The following TRNT1 variants were observed in gnomAD, a reference collection of about 807,000 sequenced individuals.
TRNT1 encodes CCA tRNA nucleotidyltransferase 1, mitochondrial.
Under a neutral mutation model 45.6 loss-of-function variants are expected in TRNT1, and 44 were observed. The observed-to-expected ratio is 0.97, with a 90% CI of 0.76 to 1.24. The LOEUF is 1.24. TRNT1 is among the 50% of genes most tolerant of loss of function. The pLI is 0.00. For missense variants in TRNT1, 633 were observed against 504.4 expected (o/e 1.25, Z -2.44); for synonymous variants, 201 against 171.4 (o/e 1.17, Z -1.35).
intron 4 of TRNT1, among the ~76,000 whole-genome samples, chr3:3,142,258 T>C (rs334758): frequency 0.92 from 139,914 of 152,268 alleles, 65,371 homozygotes; most frequent in East Asian, 1. Context: ...AAAATAAAAG[T>C]TGTTCCTATT....
intron 3 of TRNT1, among the ~76,000 whole-genome samples, chr3:3,138,112 T>A (rs73019279): frequency 2.6e-5 from 4 of 152,322 alleles, no homozygotes; most frequent in Non-Finnish European, 5.9e-5. Context: ...ATATGGACTT[T>A]TAGGAATTTC....
intron 5 of TRNT1, 87 bp downstream of exon 5, chr3:3,144,797 T>C: frequency 7.7e-7 from 1 of 1,304,620 alleles, no homozygotes; most frequent in Non-Finnish European, 1.0e-6. Context: ...AGCAGGTCAG[T>C]GTACAAAATG....
chr3:3,139,969 T>C (rs1237787329), intron 3 of TRNT1, among the ~76,000 whole-genome samples: 6 of 152,190 alleles, frequency 3.9e-5, no homozygotes. Context: ...GCTCAAGTCA[T>C]CTGCCTGCCT....
intron 2 of TRNT1, chr3:3,131,633 T>C (rs985571077): frequency 7.5e-6 from 1 of 133,512 alleles, no homozygotes; most frequent in Non-Finnish European, 1.6e-5. Flanking sequence ...GAGGACTTCA[T>C]GTCCAAAACA....
At chr3:3,144,775 T>TA (rs1705880670) in intron 5 of TRNT1, 65 bp downstream of exon 5, 13 of 1,399,452 alleles carry the variant, frequency 9.3e-6, no homozygotes, top group Non-Finnish European at 1.2e-5. Context: ...ACAGTGGTCA[T>TA]ACGAAACCCA....
chr3:3,138,570 ACT>A (rs1705461858), intron 3 of TRNT1, among the ~76,000 whole-genome samples: 1 of 150,492 alleles, frequency 6.6e-6, no homozygotes, highest in Admixed American at 6.6e-5. Flanking sequence ...TCCTTTGGAA[ACT>A]CTTATTATTT....
At chr3:3,129,938 G>T (rs150869212) in intron 2 of TRNT1, 17,771 of 1,550,574 alleles carry the variant, frequency 0.011, 230 homozygotes, top group South Asian at 0.024. Flanking sequence ...CTTTCCATGA[G>T]AACTGAAGGA....
At chr3:3,127,739 T>A (rs1669364) in intron 1 of TRNT1, 139,268 of 152,192 alleles carry the variant, frequency 0.92, 64,970 homozygotes, top group East Asian at 1. Flanking sequence ...AGAAACTCGG[T>A]TAGAGTTTCT....
At chr3:3,143,830 C>A (rs1018575873) in intron 4 of TRNT1, among the ~76,000 whole-genome samples, 1 of 152,122 alleles carries the variant, frequency 6.6e-6, no homozygotes, top group African/African-American at 2.4e-5. Flanking sequence ...TGCACTCCAA[C>A]CAGGGTGACA....
chr3:3,150,532 T>A (rs63413460), downstream of TRNT1: 10 of 203,394 alleles, frequency 4.9e-5, no homozygotes, highest in East Asian at 1.4e-4. Context: ...TTTTTTTTTT[T>A]AACACAGGAA....
At chr3:3,149,720 A>AG (rs1706350287), downstream of TRNT1, 1 of 152,076 alleles carries the variant, frequency 6.6e-6, no homozygotes, top group African/African-American at 2.4e-5. Context: ...GTATTCTTGA[A>AG]TTTTCATTTA....
At chr3:3,146,296 C>A in intron 5 of TRNT1, 134 bp from the exon 6 acceptor site, 1 of 587,510 alleles carries the variant, frequency 1.7e-6, no homozygotes, top group Non-Finnish European at 2.8e-6. Context: ...TCTAAGGTCC[C>A]TTCTAGACCT....
chr3:3,149,760 C>T (rs1706355457), downstream of TRNT1: 1 of 152,058 alleles, frequency 6.6e-6, no homozygotes, highest in South Asian at 2.1e-4. Flanking sequence ...CAGTGTGACA[C>T]TCAACTGATT....
At chr3:3,147,351 A>C (rs947579430) in intron 6 of TRNT1, 99 bp from the exon 7 acceptor site, 1 of 1,367,818 alleles carries the variant, frequency 7.3e-7, no homozygotes, top group African/African-American at 1.5e-5. Context: ...TATCCTAGTG[A>C]CAAAGCATTT....
intron 3 of TRNT1, among the ~76,000 whole-genome samples, chr3:3,138,986 A>C: frequency 6.6e-6 from 1 of 152,180 alleles, no homozygotes; most frequent in Non-Finnish European, 1.5e-5. Context: ...CATTAGGAGA[A>C]ATCAGAGAAG....
At chr3:3,147,354 A>G in intron 6 of TRNT1, 96 bp from the exon 7 acceptor site, 4 of 1,396,826 alleles carry the variant, frequency 2.9e-6, no homozygotes, top group Non-Finnish European at 3.9e-6. Context: ...CCTAGTGACA[A>G]AGCATTTCTG....
chr3:3,129,051 G>T lies in TRNT1; in HGVS notation c.11G>T (p.Cys4Phe). Residue 4 changes from cysteine (C) to phenylalanine (F), a missense_variant, in exon 2 of 8, where the codon TGC becomes TTC. Coordinates refer to ENST00000251607, the MANE Select transcript of TRNT1 (RefSeq NM_182916.3). MLR[C>F]LYHWHRPVLN... ...TGACTGCCTCTCCAGATGCTGAGGT[G>T]CCTGTATCATTGGCACAGGCCAGTG... is the stretch of plus-strand genomic sequence containing the variant. The T allele has an allele frequency of 6.2e-7, 1 of 1,610,952 alleles. No individual in the cohort carries two copies. The highest frequency in any genetic ancestry group is 8.5e-7 in the Non-Finnish European group (1 of 1,178,168).
intron 2 of TRNT1, among the ~76,000 whole-genome samples, chr3:3,135,287 C>T (rs539600607): frequency 4.6e-5 from 7 of 152,168 alleles, no homozygotes; most frequent in African/African-American, 1.2e-4. Flanking sequence ...CTGGTACAGA[C>T]AGTGTGATGC....
intron 4 of TRNT1, among the ~76,000 whole-genome samples, chr3:3,141,783 A>G (rs1705670465): frequency 6.6e-6 from 1 of 152,224 alleles, no homozygotes. Context: ...GATTTGCTTC[A>G]TGCATAGATG....
Sources: allele counts gnomAD v4.1 joint callset (sites outside exome capture counted in the v4.1 genomes callset), GRCh38; gene constraint gnomAD v4.1.1; transcripts MANE v1.5; gene names NCBI Gene and HGNC (gene_info 2026-07-23, HGNC 2026-07-21).